Variants in VWA8 observed in about 807,000 individuals in gnomAD.
VWA8 encodes the protein von Willebrand factor A domain containing 8.
A neutral mutation model predicts 241.5 loss-of-function variants in VWA8; 221 were observed. That is an observed-to-expected ratio of 0.91 (90% CI 0.82 to 1.02). The LOEUF (loss-of-function observed/expected upper bound fraction) is 1.02. Ranked by LOEUF, VWA8 falls within the 50% of genes least tolerant of loss-of-function variation. VWA8 has a pLI of 0.00. For synonymous variants in VWA8, 852 were observed against 827.1 expected (o/e 1.03, Z -0.52); for missense variants, 2,322 against 2,328.7 (o/e 1.00, Z 0.06).
intron 2 of VWA8, among the ~76,000 whole-genome samples, chr13:41,933,871 G>A (rs1444438873): frequency 6.6e-6 from 1 of 151,906 alleles, no homozygotes; most frequent in Non-Finnish European, 1.5e-5. Flanking sequence ...AGAAAAAAAT[G>A]AGAAAAGAAG....
chr13:41,845,465 G>A (rs532726931), intron 12 of VWA8, among the ~76,000 whole-genome samples: 2 of 152,086 alleles, frequency 1.3e-5, no homozygotes, highest in South Asian at 2.1e-4. Flanking sequence ...CTATTACTGG[G>A]TATATGCCCA....
chr13:41,711,851 G>A (rs1314718218), intron 26 of VWA8, among the ~76,000 whole-genome samples: 1 of 151,866 alleles, frequency 6.6e-6, no homozygotes, highest in Non-Finnish European at 1.5e-5. Context: ...TCCAGCCTGG[G>A]CGACAGAGCG....
intron 21 of VWA8, among the ~76,000 whole-genome samples, chr13:41,750,657 T>C (rs1433966539): frequency 2.0e-5 from 3 of 152,050 alleles, no homozygotes; most frequent in African/African-American, 7.2e-5. Flanking sequence ...GCAAGAGAAC[T>C]AGAATTAGAA....
chr13:41,670,804 A>C (rs1462608611), intron 37 of VWA8, 142 bp downstream of exon 37: 1 of 950,206 alleles, frequency 1.1e-6, no homozygotes, highest in East Asian at 2.7e-5. Context: ...TTGTCTTTTT[A>C]TTTTGTATCT....
At chr13:41,800,131 T>C (rs1001222314) in intron 17 of VWA8, among the ~76,000 whole-genome samples, 7 of 152,266 alleles carry the variant, frequency 4.6e-5, no homozygotes, top group African/African-American at 1.7e-4. Flanking sequence ...TTCTTTTTGT[T>C]GCTAACATTT....
intron 37 of VWA8, among the ~76,000 whole-genome samples, chr13:41,639,203 A>G (rs1015869591): frequency 4.6e-5 from 7 of 152,014 alleles, no homozygotes. Flanking sequence ...TTCTAAACAC[A>G]TTCCTTTAAA....
chr13:41,871,241 T>C (rs73185324), intron 9 of VWA8, among the ~76,000 whole-genome samples: 1,892 of 152,362 alleles, frequency 0.012, 13 homozygotes, highest in East Asian at 0.021. Flanking sequence ...CTTACCACTT[T>C]CTGAGTATTT....
At chr13:41,711,294 C>T (rs1421160147) in intron 26 of VWA8, among the ~76,000 whole-genome samples, 4 of 152,148 alleles carry the variant, frequency 2.6e-5, no homozygotes, top group Non-Finnish European at 5.9e-5. Flanking sequence ...ATTCATTGTT[C>T]TAAGTCTGAA....
At chr13:41,626,204 C>T (rs1005659773) in intron 37 of VWA8, among the ~76,000 whole-genome samples, 51 of 151,826 alleles carry the variant, frequency 3.4e-4, no homozygotes, top group South Asian at 8.4e-4. Flanking sequence ...GCACATTGTG[C>T]GCATGTACCC....
intron 18 of VWA8, among the ~76,000 whole-genome samples, chr13:41,785,049 C>T (rs1293147061): frequency 6.6e-6 from 1 of 151,684 alleles, no homozygotes; most frequent in Non-Finnish European, 1.5e-5. Context: ...CCTACAGTAA[C>T]CAGATATGCA....
chr13:41,608,114 G>A (rs2044564234), intron 39 of VWA8, among the ~76,000 whole-genome samples: 1 of 152,082 alleles, frequency 6.6e-6, no homozygotes. Flanking sequence ...AAGCCACCTC[G>A]AGCAGACTGA....
At position 41,678,683 on chromosome 13, in the gene VWA8, A is replaced by G. The variant is rs1029813654; in HGVS notation, c.4328-3387T>C. ...AAAGTAAGCCAACTTATTTTAAAAT[A>G]TCTTTTTTTTCCCATATCTTTCTTT... On this transcript the variant is annotated intron_variant, in intron 35 of 44. Coordinates refer to ENST00000379310, the MANE Select transcript of VWA8 (RefSeq NM_015058.2). 3.9e-5 allele frequency among the ~76,000 whole-genome samples: 6 copies of G among 152,258 alleles called. No individual in the cohort carries two copies. The East Asian group carries it at 5.8e-4, about 15-fold the overall frequency.
chr13:41,573,781 C>CTAAT (rs946087407), intron 43 of VWA8, among the ~76,000 whole-genome samples: 20 of 151,610 alleles, frequency 1.3e-4, no homozygotes, highest in Admixed American at 1.3e-3. Context: ...CCATGCCCAG[C>CTAAT]TAATTTTTTT....
chr13:41,653,396 A>C (rs534727251), intron 37 of VWA8, among the ~76,000 whole-genome samples: 1 of 152,354 alleles, frequency 6.6e-6, no homozygotes, highest in African/African-American at 2.4e-5. Flanking sequence ...AATACTGCTG[A>C]AAGAAATCAG....
At chr13:41,719,342 G>T (rs2045366858) in intron 26 of VWA8, 4 of 1,315,750 alleles carry the variant, frequency 3.0e-6, no homozygotes, top group Admixed American at 3.7e-5. Flanking sequence ...GACTGTTAAA[G>T]AAACAAATAT....
chr13:41,927,519 A>C (rs1299876424), intron 2 of VWA8, among the ~76,000 whole-genome samples: 3 of 152,140 alleles, frequency 2.0e-5, no homozygotes, highest in African/African-American at 7.2e-5. Flanking sequence ...CCTTGTTACC[A>C]AATAAACCAT....
chr13:41,903,758 C>T (rs1431405675), intron 4 of VWA8, among the ~76,000 whole-genome samples: 1 of 151,974 alleles, frequency 6.6e-6, no homozygotes, highest in African/African-American at 2.4e-5. Context: ...TTGGATCTGA[C>T]GGTGGATGTA....
At position 41,931,302 on chromosome 13, in the gene VWA8, AAAC is replaced by A. The variant is rs1369573859; in HGVS notation, c.241+18631_241+18633del. On this transcript the variant is annotated intron_variant, in intron 2 of 44. Transcript: ENST00000379310. ...GTTAAAAAAAAAAAAAAAAAAAAAA[AAAC>A]CCCTACATGAGCTCACTTATATGTG... Among the ~76,000 whole-genome samples, 986 of 124,698 alleles carry A rather than the reference AAAC, an allele frequency of 7.9e-3. 2 individuals carry two copies. Among genetic ancestry groups the A allele is most frequent in the East Asian group, 0.014 (54 of 3,950 alleles). The allele number at this position is 124,698 out of a possible 152,430, so 81.8% of individuals were successfully genotyped here.
chr13:41,863,940 C>T (rs1172050872), intron 12 of VWA8, among the ~76,000 whole-genome samples: 1 of 151,736 alleles, frequency 6.6e-6, no homozygotes, highest in East Asian at 1.9e-4. Flanking sequence ...TGCACATGTA[C>T]CCACAAATCT....
Sources: allele counts gnomAD v4.1 joint callset (sites outside exome capture counted in the v4.1 genomes callset), GRCh38; gene constraint gnomAD v4.1.1; transcripts MANE v1.5; gene names NCBI Gene and HGNC (gene_info 2026-07-23, HGNC 2026-07-21).